The following MTUS2 variants were observed in gnomAD, a reference collection of about 807,000 sequenced individuals.
MTUS2 encodes the protein microtubule-associated tumor suppressor candidate 2.
MTUS2 carries 40 observed loss-of-function variants against 114.1 expected under a neutral mutation model. The observed-to-expected ratio is 0.35, with a 90% CI of 0.27 to 0.46. The LOEUF (loss-of-function observed/expected upper bound fraction) is 0.46. Among genes scored for constraint, MTUS2 ranks in the 20% least tolerant of loss-of-function variants. MTUS2 has a pLI of 1.00. For synonymous variants in MTUS2, 688 were observed against 672.0 expected, an observed-to-expected ratio of 1.02 and a Z score of -0.37; for missense variants, 1,679 against 1,705.4, an observed-to-expected ratio of 0.98 and a Z score of 0.27.
chr13:29,406,045 C>G (rs1384996521), intron 8 of MTUS2, among the ~76,000 whole-genome samples: 1 of 152,016 alleles, frequency 6.6e-6, no homozygotes, highest in Admixed American at 6.6e-5. Flanking sequence ...CTGGCCTTAA[C>G]TATGTTTAAT....
At chr13:29,248,546 C>T (rs1473948178) in intron 5 of MTUS2, among the ~76,000 whole-genome samples, 1 of 151,840 alleles carries the variant, frequency 6.6e-6, no homozygotes, top group Non-Finnish European at 1.5e-5. Flanking sequence ...ATATGTGTGC[C>T]ATGGTGGTTT....
intron 4 of MTUS2, among the ~76,000 whole-genome samples, chr13:29,049,529 C>A (rs565340553): frequency 4.5e-4 from 68 of 152,224 alleles, no homozygotes; most frequent in Non-Finnish European, 5.7e-4. Flanking sequence ...GACTGTTCTC[C>A]TCTCTCGTTC....
rs532130688 is a variant in MTUS2 at position 29,034,791 on chromosome 13, T to C, written c.2446+666T>C. 2.0e-5 allele frequency among the ~76,000 whole-genome samples: 3 copies of C among 152,320 alleles called. No individual in the cohort carries two copies. The South Asian group carries it at 6.2e-4, about 32-fold the overall frequency. ...GCGTTATCTGTAGGCAGAGAGATGA[T>C]ATTCAAAGCTGTGATGCTGTCCTTC... On this transcript the variant is annotated intron_variant, in intron 4 of 15. Coordinates refer to ENST00000612955, the MANE Select transcript of MTUS2 (RefSeq NM_001033602.4).
intron 2 of MTUS2, among the ~76,000 whole-genome samples, chr13:28,961,497 G>A (rs1033779966): frequency 2.0e-5 from 3 of 152,100 alleles, no homozygotes; most frequent in South Asian, 2.1e-4. Context: ...ATTGTACTCC[G>A]TTATAATTAC....
chr13:29,366,479 C>A (rs919631029), intron 8 of MTUS2, among the ~76,000 whole-genome samples: 10 of 152,118 alleles, frequency 6.6e-5, no homozygotes, highest in African/African-American at 2.2e-4. Context: ...CAAGCGTTAT[C>A]ATTTAAATAC....
intron 8 of MTUS2, among the ~76,000 whole-genome samples, chr13:29,362,825 G>T (rs1018802801): frequency 2.0e-5 from 3 of 152,204 alleles, no homozygotes; most frequent in Non-Finnish European, 2.9e-5. Flanking sequence ...TAGAGAAAAA[G>T]AATTAGAAGC....
At chr13:29,203,982 C>T (rs979369522) in intron 5 of MTUS2, among the ~76,000 whole-genome samples, 4 of 150,904 alleles carry the variant, frequency 2.7e-5, no homozygotes, top group Admixed American at 6.6e-5. Context: ...TTGTCTGACA[C>T]GGGGTCTCGC....
intron 2 of MTUS2, among the ~76,000 whole-genome samples, chr13:28,997,914 A>T (rs1371755626): frequency 5.9e-5 from 9 of 151,306 alleles, no homozygotes; most frequent in East Asian, 5.8e-4. Context: ...TTGTTATGTG[A>T]GAATTTGATC....
intron 9 of MTUS2, among the ~76,000 whole-genome samples, chr13:29,471,742 GCC>G (rs559849711): frequency 7.6e-6 from 1 of 131,602 alleles, no homozygotes; most frequent in Non-Finnish European, 1.6e-5. Flanking sequence ...TGCAGGCCCA[GCC>G]CCCCCCGACA....
At chr13:29,189,238 A>G (rs1235967233) in intron 5 of MTUS2, among the ~76,000 whole-genome samples, 2 of 152,272 alleles carry the variant, frequency 1.3e-5, no homozygotes, top group Non-Finnish European at 2.9e-5. Flanking sequence ...TTTCACAAAC[A>G]TTAGGTTCAG....
chr13:29,328,566 G>A (rs958657961), intron 7 of MTUS2, among the ~76,000 whole-genome samples: 12 of 152,198 alleles, frequency 7.9e-5, no homozygotes, highest in African/African-American at 1.9e-4. Flanking sequence ...AGCTAAGGGG[G>A]TTGTGGAGAC....
intron 8 of MTUS2, among the ~76,000 whole-genome samples, chr13:29,432,516 T>C (rs1450997028): frequency 1.3e-5 from 2 of 152,214 alleles, no homozygotes; most frequent in Non-Finnish European, 2.9e-5. Flanking sequence ...TATTTCTTTT[T>C]AGAGTCAAAA....
At chr13:29,426,043 T>C (rs1261842649) in intron 8 of MTUS2, among the ~76,000 whole-genome samples, 3 of 152,182 alleles carry the variant, frequency 2.0e-5, no homozygotes. Flanking sequence ...AAGCATTCTT[T>C]AAATCAATGT....
chr13:28,989,697 G>A (rs1884739717), intron 2 of MTUS2, among the ~76,000 whole-genome samples: 1 of 152,156 alleles, frequency 6.6e-6, no homozygotes, highest in South Asian at 2.1e-4. Flanking sequence ...TCCTTCTGCT[G>A]GGGAGACAGT....
chr13:29,054,385 C>T (rs1888034482), intron 4 of MTUS2, among the ~76,000 whole-genome samples: 2 of 151,994 alleles, frequency 1.3e-5, no homozygotes, highest in Admixed American at 1.3e-4. Context: ...CATTACTTAA[C>T]AGTGTCTTTC....
intron 2 of MTUS2, among the ~76,000 whole-genome samples, chr13:28,923,560 A>T (rs573146165): frequency 1.6e-4 from 24 of 152,220 alleles, no homozygotes; most frequent in Admixed American, 1.3e-3. Context: ...GATGGGGTGG[A>T]AGTAGCTTCC....
intron 5 of MTUS2, among the ~76,000 whole-genome samples, chr13:29,251,715 C>T (rs1413084122): frequency 6.6e-6 from 1 of 152,180 alleles, no homozygotes; most frequent in Non-Finnish European, 1.5e-5. Flanking sequence ...TTGTTCTTTC[C>T]TGAGCATGGT....
chr13:29,325,513 G>C (rs1372634800), intron 7 of MTUS2, among the ~76,000 whole-genome samples: 1 of 136,074 alleles, frequency 7.3e-6, no homozygotes, highest in African/African-American at 3.2e-5. Context: ...GGAGGAGAAG[G>C]AGGAGGAGGA....
At chr13:28,985,784 A>G (rs920263198) in intron 2 of MTUS2, among the ~76,000 whole-genome samples, 1 of 152,108 alleles carries the variant, frequency 6.6e-6, no homozygotes, top group Non-Finnish European at 1.5e-5. Flanking sequence ...AAGCAGATTG[A>G]TCCTCCATGA....
Sources: gnomAD v4.1 joint callset for allele counts (sites outside exome capture counted in the v4.1 genomes callset) on GRCh38, gnomAD v4.1.1 for gene constraint, MANE v1.5 for transcripts, NCBI Gene and HGNC (gene_info 2026-07-23, HGNC 2026-07-21) for gene names.